Variants in RBFOX1 observed in about 807,000 individuals in gnomAD.
RBFOX1 encodes the protein RNA binding protein fox-1 homolog 1.
A neutral mutation model predicts 57.7 loss-of-function variants in RBFOX1; 8 were observed. The ratio of observed to expected loss-of-function variants is 0.14; its 90% CI spans 0.08 to 0.25. The LOEUF is 0.25. Ranked by LOEUF, RBFOX1 falls within the 10% of genes least tolerant of loss-of-function variation. The pLI is 1.00. For missense variants in RBFOX1, 611 were observed against 548.5 expected (o/e 1.11, Z -1.14); for synonymous variants, 326 against 222.4 (o/e 1.47, Z -4.15).
intron 1 of RBFOX1, among the ~76,000 whole-genome samples, chr16:6,051,862 C>T (rs1433058324): frequency 6.6e-6 from 1 of 152,186 alleles, no homozygotes; most frequent in Non-Finnish European, 1.5e-5. Context: ...CCATACCTAA[C>T]CAGCAAGTTT....
chr16:6,891,367 C>G (rs906070655), intron 3 of RBFOX1, among the ~76,000 whole-genome samples: 17 of 152,082 alleles, frequency 1.1e-4, no homozygotes, highest in African/African-American at 3.9e-4. Context: ...AAGATACAGA[C>G]ACTAAATTTG....
At chr16:6,988,596 C>T (rs1183582608) in intron 3 of RBFOX1, among the ~76,000 whole-genome samples, 1 of 150,408 alleles carries the variant, frequency 6.6e-6, no homozygotes, top group Non-Finnish European at 1.5e-5. Flanking sequence ...TATTTGGGAC[C>T]GAGTCTTGCT....
chr16:5,548,174 A>ATATATATATATATATATATATATAT, intron 2 of RBFOX1, among the ~76,000 whole-genome samples: 1 of 33,576 alleles, frequency 3.0e-5, no homozygotes, highest in African/African-American at 8.0e-5. Context: ...AAAAAAAAAA[A>ATATATATATATATATATATATATAT]ATATATATAT....
intron 3 of RBFOX1, among the ~76,000 whole-genome samples, chr16:6,945,886 C>T (rs977826925): frequency 9.2e-5 from 14 of 152,242 alleles, no homozygotes; most frequent in African/African-American, 2.9e-4. Flanking sequence ...GCAAGACTCT[C>T]GTCCCCCACA....
At chr16:6,734,714 A>T (rs76381011) in intron 3 of RBFOX1, among the ~76,000 whole-genome samples, 3,369 of 152,274 alleles carry the variant, frequency 0.022, 136 homozygotes, top group African/African-American at 0.076. Context: ...GCAGCACTAG[A>T]CTTCAGTTCC....
intron 4 of RBFOX1, among the ~76,000 whole-genome samples, chr16:7,508,998 CTGGT>C (rs1229533121): frequency 6.6e-6 from 1 of 152,196 alleles, no homozygotes; most frequent in African/African-American, 2.4e-5. Flanking sequence ...ACATTTCACT[CTGGT>C]TGTTGTAGTT....
intron 3 of RBFOX1, among the ~76,000 whole-genome samples, chr16:6,935,681 A>G (rs1465769363): frequency 6.6e-6 from 1 of 152,170 alleles, no homozygotes; most frequent in Non-Finnish European, 1.5e-5. Context: ...GCCTTATTCA[A>G]AGGGTGATTA....
intron 2 of RBFOX1, among the ~76,000 whole-genome samples, chr16:6,497,871 C>G (rs1369651297): frequency 6.6e-6 from 1 of 151,946 alleles, no homozygotes; most frequent in African/African-American, 2.4e-5. Flanking sequence ...TTTATATTCA[C>G]AAGTGTGAGA....
At chr16:7,173,277 C>G (rs1043858170) in intron 4 of RBFOX1, among the ~76,000 whole-genome samples, 1 of 152,212 alleles carries the variant, frequency 6.6e-6, no homozygotes, top group African/African-American at 2.4e-5. Context: ...CTGGTCAAAT[C>G]CAACGTGCAT....
chr16:6,291,813 A>G (rs983136103), intron 1 of RBFOX1, among the ~76,000 whole-genome samples: 2 of 152,190 alleles, frequency 1.3e-5, no homozygotes, highest in Non-Finnish European at 2.9e-5. Flanking sequence ...TTAGAAAGGT[A>G]TTAGACCTGT....
intron 3 of RBFOX1, chr16:6,774,100 T>A (rs1166260755): frequency 2.6e-6 from 2 of 761,262 alleles, no homozygotes; most frequent in Non-Finnish European, 3.2e-6. Context: ...TACCAAGAAT[T>A]GGACTTTTTG....
intron 1 of RBFOX1, among the ~76,000 whole-genome samples, chr16:5,409,570 T>C (rs1292701958): frequency 2.6e-5 from 4 of 152,204 alleles, no homozygotes; most frequent in African/African-American, 7.2e-5. Context: ...TCAACAAATA[T>C]TTATTGAGCA....
At chr16:6,206,763 G>T (rs990289664) in intron 1 of RBFOX1, among the ~76,000 whole-genome samples, 1 of 152,240 alleles carries the variant, frequency 6.6e-6, no homozygotes, top group Non-Finnish European at 1.5e-5. Context: ...ATACCAGAAG[G>T]TGCAGCAGGC....
intron 2 of RBFOX1, among the ~76,000 whole-genome samples, chr16:5,479,769 C>T (rs2069460559): frequency 1.3e-5 from 2 of 151,368 alleles, no homozygotes; most frequent in Non-Finnish European, 1.5e-5. Context: ...TCACCCCCCG[C>T]AAAAAAAGAA....
intron 4 of RBFOX1, among the ~76,000 whole-genome samples, chr16:7,068,143 TC>T (rs1259258596): frequency 2.0e-5 from 3 of 152,018 alleles, no homozygotes; most frequent in Admixed American, 6.6e-5. Flanking sequence ...CAGGATAATC[TC>T]CCTATTTTAA....
At chr16:5,616,731 C>T (rs1567303649) in intron 3 of RBFOX1, among the ~76,000 whole-genome samples, 1 of 146,430 alleles carries the variant, frequency 6.8e-6, no homozygotes, top group Admixed American at 6.9e-5. Context: ...CTGTCCCTCT[C>T]CTCCTCCTGT....
rs2056808750 is a variant in RBFOX1 at position 7,608,560 on chromosome 16, AC to A, written c.676+1225del. 2.0e-5 allele frequency among the ~76,000 whole-genome samples: 3 copies of A among 152,010 alleles called. No individual in the cohort carries two copies. In the South Asian group the frequency reaches 6.2e-4, roughly 32 times the overall value. Reference sequence around the variant, plus strand: ...CAGGCTTTCCATGATCATATTGCAAACCCTACCACCTGAGAAGACACCTCTG... The same window carrying A: ...CAGGCTTTCCATGATCATATTGCAAACCTACCACCTGAGAAGACACCTCTG... On this transcript the variant is annotated intron_variant, in intron 10 of 15. Coordinates refer to ENST00000550418, the MANE Select transcript of RBFOX1 (RefSeq NM_018723.4).
intron 2 of RBFOX1, among the ~76,000 whole-genome samples, chr16:6,527,495 TA>T (rs910724889): frequency 4.6e-5 from 7 of 152,160 alleles, no homozygotes; most frequent in African/African-American, 1.7e-4. Context: ...GTTGAATGTA[TA>T]ATTTTTATGG....
intron 2 of RBFOX1, among the ~76,000 whole-genome samples, chr16:6,557,152 CATAT>C (rs1012120726): frequency 7.0e-6 from 1 of 142,834 alleles, no homozygotes; most frequent in African/African-American, 2.7e-5. Context: ...TATATACACA[CATAT>C]ATATACACAT....
Sources: gnomAD v4.1 joint callset for allele counts (sites outside exome capture counted in the v4.1 genomes callset) on GRCh38, gnomAD v4.1.1 for gene constraint, MANE v1.5 for transcripts, NCBI Gene and HGNC (gene_info 2026-07-23, HGNC 2026-07-21) for gene names.